CTNNA3: variants seen among roughly 807,000 people sequenced by gnomAD.
CTNNA3 encodes the protein catenin alpha 3, also known as catenin alpha-3.
CTNNA3 carries 76 observed loss-of-function variants against 95.7 expected under a neutral mutation model. The ratio of observed to expected loss-of-function variants is 0.79; its 90% CI spans 0.66 to 0.96. CTNNA3 has a LOEUF of 0.96. Ranked by LOEUF, CTNNA3 falls within the 40% of genes least tolerant of loss-of-function variation. The pLI, the probability that CTNNA3 is intolerant of heterozygous loss-of-function variation, is 0.00. For missense variants in CTNNA3, 1,191 were observed against 1,089.8 expected, an observed-to-expected ratio of 1.09 and a Z score of -1.31; for synonymous variants, 431 against 374.4, an observed-to-expected ratio of 1.15 and a Z score of -1.74.
At chr10:66,096,908 C>A (rs2081414902) in intron 14 of CTNNA3, among the ~76,000 whole-genome samples, 1 of 152,098 alleles carries the variant, frequency 6.6e-6, no homozygotes, top group Admixed American at 6.6e-5. Context: ...ACCAAGCTAC[C>A]AAAGTTCCAC....
intron 13 of CTNNA3, among the ~76,000 whole-genome samples, chr10:66,130,858 AAC>A (rs2083059880): frequency 6.7e-6 from 1 of 150,322 alleles, no homozygotes. Flanking sequence ...CCGTCTCAAA[AAC>A]AAACAAAAAA....
At chr10:66,951,628 G>T (rs1180379228) in intron 7 of CTNNA3, among the ~76,000 whole-genome samples, 1 of 149,448 alleles carries the variant, frequency 6.7e-6, no homozygotes, top group Non-Finnish European at 1.5e-5. Flanking sequence ...TCTTGCTCCT[G>T]AATCCAAATT....
rs1007435789 is a variant in CTNNA3 at position 67,344,907 on chromosome 10, T to C, written c.580-125037A>G. Among the ~76,000 whole-genome samples, 6 of 152,110 alleles carry C rather than the reference T, an allele frequency of 3.9e-5. No homozygotes were observed. The South Asian group carries it at 1.2e-3, about 32-fold the overall frequency. On this transcript the variant is annotated intron_variant, in intron 5 of 17. Coordinates refer to ENST00000433211, the MANE Select transcript of CTNNA3 (RefSeq NM_013266.4). ...GTGGGGTTTGCATTTTCTCTCACTTTTCCAGTTCTTTAAAATTCCTCATTA... is the reference window on the plus strand; with the variant it reads ...GTGGGGTTTGCATTTTCTCTCACTTCTCCAGTTCTTTAAAATTCCTCATTA...
intron 11 of CTNNA3, among the ~76,000 whole-genome samples, chr10:66,487,003 T>A (rs1839752097): frequency 1.3e-5 from 2 of 151,932 alleles, no homozygotes; most frequent in African/African-American, 4.8e-5. Flanking sequence ...AAAGTCTAAT[T>A]CATAGAAGCA....
rs75160870 is a variant in CTNNA3, at chr10:67,676,874, G to A, written c.-6+19126C>T. Among the ~76,000 whole-genome samples the A allele has an allele frequency of 0.034, 5,156 of 152,208 alleles. 613 individuals are homozygous for A. In the East Asian group the frequency reaches 0.43, roughly 13 times the overall value. The stretch of plus-strand genomic sequence containing the variant: ...GAGGGCCTTCCAGTCAGTTACACAT[G>A]TGCCAGAAACAAACACTTCTAGGGT... On this transcript the variant is annotated intron_variant, in intron 1 of 17. Coordinates refer to ENST00000433211, the MANE Select transcript of CTNNA3 (RefSeq NM_013266.4).
At chr10:66,664,329 G>A (rs1276025346) in intron 9 of CTNNA3, among the ~76,000 whole-genome samples, 1 of 152,044 alleles carries the variant, frequency 6.6e-6, no homozygotes, top group Non-Finnish European at 1.5e-5. Context: ...CACTAACTAA[G>A]TCACATAATT....
At chr10:67,099,141 G>C (rs1477577345) in intron 7 of CTNNA3, 1 of 151,688 alleles carries the variant, frequency 6.6e-6, no homozygotes, top group East Asian at 1.9e-4. Flanking sequence ...ATAACTCAGA[G>C]TAATTTGACA....
intron 5 of CTNNA3, among the ~76,000 whole-genome samples, chr10:67,366,831 C>T (rs1161573458): frequency 6.6e-6 from 1 of 152,016 alleles, no homozygotes; most frequent in Admixed American, 6.6e-5. Flanking sequence ...TAAAACTGGA[C>T]CCCTACCTCT....
intron 3 of CTNNA3, among the ~76,000 whole-genome samples, chr10:67,569,220 C>T (rs1242169312): frequency 2.0e-5 from 3 of 152,060 alleles, no homozygotes; most frequent in African/African-American, 7.2e-5. Context: ...TCTTTTAGTG[C>T]ATTTGATATT....
intron 7 of CTNNA3, among the ~76,000 whole-genome samples, chr10:66,902,207 A>C (rs2132529219): frequency 6.6e-6 from 1 of 152,370 alleles, no homozygotes; most frequent in East Asian, 1.9e-4. Context: ...CAATCAAATT[A>C]GAACTCAGGG....
At chr10:66,285,406 A>G (rs915414811) in intron 12 of CTNNA3, among the ~76,000 whole-genome samples, 1 of 151,882 alleles carries the variant, frequency 6.6e-6, no homozygotes, top group Admixed American at 6.6e-5. Context: ...AATTTAAAAA[A>G]TCTTCATATG....
At chr10:67,017,038 T>C (rs1430347435) in intron 7 of CTNNA3, among the ~76,000 whole-genome samples, 1 of 152,210 alleles carries the variant, frequency 6.6e-6, no homozygotes, top group Non-Finnish European at 1.5e-5. Flanking sequence ...CAGGTGTCTG[T>C]ACAAAAATTA....
At chr10:66,823,600 G>A (rs1842378911) in intron 7 of CTNNA3, among the ~76,000 whole-genome samples, 1 of 152,060 alleles carries the variant, frequency 6.6e-6, no homozygotes, top group Non-Finnish European at 1.5e-5. Context: ...TTAGAATCAT[G>A]GCCAATGCAT....
At chr10:67,650,624 C>G (rs1420684085) in intron 1 of CTNNA3, among the ~76,000 whole-genome samples, 3 of 152,286 alleles carry the variant, frequency 2.0e-5, no homozygotes, top group Non-Finnish European at 4.4e-5. Context: ...ATTTTAAGTT[C>G]ATTTGGTTTA....
At chr10:67,554,614 T>C (rs992080105) in intron 3 of CTNNA3, among the ~76,000 whole-genome samples, 42 of 152,230 alleles carry the variant, frequency 2.8e-4, no homozygotes, top group African/African-American at 9.4e-4. Context: ...GATTTTTTTC[T>C]TGTAAATTTG....
At position 67,645,538 on chromosome 10, in the gene CTNNA3, C is replaced by A. The variant is rs888861496; in HGVS notation, c.99+1877G>T. ...TCCTTATAATTGGATAGGAACAAAA[C>A]CTTAAATGACTTGTGAGAACTCATT... On this transcript the variant is annotated intron_variant, in intron 2 of 17. Transcript: ENST00000433211. Among the ~76,000 whole-genome samples the A allele has an allele frequency of 3.9e-5, 6 of 152,192 alleles. No homozygotes were observed. The East Asian group carries it at 9.7e-4, about 24-fold the overall frequency.
intron 9 of CTNNA3, among the ~76,000 whole-genome samples, chr10:66,630,009 A>G (rs988143293): frequency 3.3e-5 from 5 of 152,124 alleles, no homozygotes; most frequent in Non-Finnish European, 5.9e-5. Flanking sequence ...GTTTATAATT[A>G]TATGTTCACT....
At chr10:66,934,595 C>G (rs187715475) in intron 7 of CTNNA3, among the ~76,000 whole-genome samples, 1 of 152,230 alleles carries the variant, frequency 6.6e-6, no homozygotes, top group African/African-American at 2.4e-5. Flanking sequence ...AGTTGAATTA[C>G]AGTCTTACAA....
intron 12 of CTNNA3, among the ~76,000 whole-genome samples, chr10:66,306,002 T>C (rs2132242364): frequency 6.6e-6 from 1 of 152,296 alleles, no homozygotes; most frequent in East Asian, 1.9e-4. Flanking sequence ...ACTAAATGTA[T>C]TTTGCAAATA....
Sources: allele counts gnomAD v4.1 joint callset (sites outside exome capture counted in the v4.1 genomes callset), GRCh38; gene constraint gnomAD v4.1.1; transcripts MANE v1.5; gene names NCBI Gene and HGNC (gene_info 2026-07-23, HGNC 2026-07-21).